RANBP2: variants seen among roughly 807,000 people sequenced by gnomAD.
RANBP2 encodes the protein E3 SUMO-protein ligase RanBP2.
Under a neutral mutation model 303.6 loss-of-function variants are expected in RANBP2, and 57 were observed. The observed-to-expected ratio is 0.19, with a 90% CI of 0.15 to 0.23. The LOEUF (loss-of-function observed/expected upper bound fraction) is 0.23. RANBP2 is among the 10% of genes least tolerant of loss of function. The pLI is 1.00. For synonymous variants in RANBP2, 1,167 were observed against 1,301.5 expected, an observed-to-expected ratio of 0.90 and a Z score of 2.23; for missense variants, 3,138 against 3,780.8, an observed-to-expected ratio of 0.83 and a Z score of 4.46.
At chr2:109,627,002 AAAAC>A in the RANBP2 span, among the ~76,000 whole-genome samples, 9 of 152,066 alleles carry the variant, frequency 5.9e-5, no homozygotes, top group Non-Finnish European at 1.2e-4. Flanking sequence ...TTGTGACTTA[AAAAC>A]AAACAAACGA....
At chr2:109,069,725 T>G in the RANBP2 span, among the ~76,000 whole-genome samples, 3 of 152,326 alleles carry the variant, frequency 2.0e-5, no homozygotes, top group African/African-American at 7.2e-5. Flanking sequence ...ACATAACACT[T>G]TTTTTCTTCT....
chr2:108,895,589 T>C, the RANBP2 span: 1 of 152,266 alleles, frequency 6.6e-6, no homozygotes. Flanking sequence ...CCACACTGTG[T>C]TGACTTCCAT....
the RANBP2 span, among the ~76,000 whole-genome samples, chr2:109,583,351 G>T: frequency 6.6e-6 from 1 of 151,924 alleles, no homozygotes; most frequent in Non-Finnish European, 1.5e-5. Context: ...GTGGCCAAAA[G>T]ACATGGACAT....
chr2:109,452,312 G>C, the RANBP2 span, among the ~76,000 whole-genome samples: 1 of 152,054 alleles, frequency 6.6e-6, no homozygotes, highest in Non-Finnish European at 1.5e-5. Flanking sequence ...CACTAAACAG[G>C]CTTCCTAACT....
the RANBP2 span, among the ~76,000 whole-genome samples, chr2:109,739,645 AATATGAGATC>A: frequency 2.6e-5 from 4 of 152,158 alleles, no homozygotes; most frequent in African/African-American, 7.2e-5. Context: ...GGTTTTTCCA[AATATGAGATC>A]ATATCACCTG....
the RANBP2 span, among the ~76,000 whole-genome samples, chr2:109,075,025 C>CA: frequency 0.012 from 519 of 44,538 alleles, 21 homozygotes; most frequent in African/African-American, 0.033. Flanking sequence ...GTCTCCATCT[C>CA]AAAAAAAAAA....
chr2:109,217,567 C>T, the RANBP2 span, among the ~76,000 whole-genome samples: 2 of 152,338 alleles, frequency 1.3e-5, no homozygotes, highest in African/African-American at 2.4e-5. Context: ...GCAGATTTTT[C>T]TCTACCAGGA....
At chr2:109,286,202 G>C in the RANBP2 span, among the ~76,000 whole-genome samples, 1 of 152,268 alleles carries the variant, frequency 6.6e-6, no homozygotes, top group East Asian at 1.9e-4. Context: ...TTAAAGTAAG[G>C]GCCTGGCAAA....
At chr2:108,725,690 C>T (rs1694642695) in intron 1 of RANBP2, among the ~76,000 whole-genome samples, 1 of 151,870 alleles carries the variant, frequency 6.6e-6, no homozygotes, top group South Asian at 2.1e-4. Context: ...GAGATCGAGC[C>T]ACTGCACTGC....
chr2:108,905,581 C>A, the RANBP2 span, among the ~76,000 whole-genome samples: 2 of 152,132 alleles, frequency 1.3e-5, no homozygotes, highest in Non-Finnish European at 2.9e-5. Flanking sequence ...GCCCAGCATG[C>A]ACCAGGCTCC....
At chr2:109,346,370 C>T in the RANBP2 span, among the ~76,000 whole-genome samples, 2 of 152,110 alleles carry the variant, frequency 1.3e-5, no homozygotes, top group Admixed American at 1.3e-4. Flanking sequence ...AAGAGTTTTT[C>T]GATGTACTAC....
At chr2:109,006,855 T>G in the RANBP2 span, among the ~76,000 whole-genome samples, 5 of 152,244 alleles carry the variant, frequency 3.3e-5, no homozygotes, top group Non-Finnish European at 4.4e-5. Context: ...ACTTTAAATC[T>G]AATTGATGTT....
chr2:109,437,019 G>A, the RANBP2 span: 1 of 1,613,838 alleles, frequency 6.2e-7, no homozygotes, highest in African/African-American at 1.3e-5. Flanking sequence ...CTGCCACCAG[G>A]CCCGCCCTGC....
intron 4 of RANBP2, 119 bp downstream of exon 4, chr2:108,731,593 T>G: frequency 6.4e-7 from 1 of 1,559,702 alleles, no homozygotes; most frequent in Non-Finnish European, 8.6e-7. Context: ...CCTTTAAAAA[T>G]TTTCTTTTAA....
At chr2:109,207,308 T>C in the RANBP2 span, among the ~76,000 whole-genome samples, 1 of 152,186 alleles carries the variant, frequency 6.6e-6, no homozygotes, top group African/African-American at 2.4e-5. Context: ...ATTAAAGAAT[T>C]TGTCTCTAAT....
intron 18 of RANBP2, among the ~76,000 whole-genome samples, 176 bp from the exon 19 acceptor site, chr2:108,761,925 A>G (rs1676756934): frequency 6.6e-6 from 1 of 151,982 alleles, no homozygotes; most frequent in Non-Finnish European, 1.5e-5. Context: ...GTTTTTTTCT[A>G]GTTTGTCATT....
chr2:109,588,714 C>T, the RANBP2 span, among the ~76,000 whole-genome samples: 1 of 151,548 alleles, frequency 6.6e-6, no homozygotes, highest in African/African-American at 2.4e-5. Context: ...TGGTCTCAAA[C>T]TCCTGACCTC....
the RANBP2 span, chr2:109,794,610 G>GCGGCCGGA: frequency 5.3e-6 from 1 of 189,728 alleles, no homozygotes; most frequent in Non-Finnish European, 7.3e-6. Flanking sequence ...GGCGGCGGCG[G>GCGGCCGGA]GGGGGGCGGC....
the RANBP2 span, among the ~76,000 whole-genome samples, chr2:109,739,673 G>T: frequency 1.3e-5 from 2 of 152,062 alleles, no homozygotes; most frequent in African/African-American, 2.4e-5. Context: ...CTGCAAACAA[G>T]GATAATTTTA....
Sources: allele counts gnomAD v4.1 joint callset (sites outside exome capture counted in the v4.1 genomes callset), GRCh38; gene constraint gnomAD v4.1.1; transcripts MANE v1.5; gene names NCBI Gene and HGNC (gene_info 2026-07-23, HGNC 2026-07-21).